The following STAT1 variants were observed in gnomAD, a reference collection of about 807,000 sequenced individuals.
STAT1 encodes signal transducer and activator of transcription 1-alpha/beta.
In STAT1, 24 loss-of-function variants were observed where a neutral mutation model predicts 111.7. That is an observed-to-expected ratio of 0.21 (90% CI 0.16 to 0.30). The LOEUF (loss-of-function observed/expected upper bound fraction) is 0.30. Ranked by LOEUF, STAT1 falls within the 10% of genes least tolerant of loss-of-function variation. STAT1 has a pLI of 1.00. For synonymous variants in STAT1, 332 were observed against 326.5 expected, an observed-to-expected ratio of 1.02 and a Z score of -0.18; for missense variants, 351 against 911.9, an observed-to-expected ratio of 0.38 and a Z score of 7.92.
rs1409157277 is a variant in STAT1 at position 191,000,176 on chromosome 2, C to T, written c.463-472G>A. Among the ~76,000 whole-genome samples the T allele has an allele frequency of 3.3e-5, 5 of 152,210 alleles. No individual in the cohort carries two copies. Among genetic ancestry groups the T allele is most frequent in the Admixed American group, 6.5e-5 (1 of 15,284 alleles). On this transcript the variant is annotated intron_variant, in intron 6 of 24. Coordinates refer to ENST00000361099, the MANE Select transcript of STAT1 (RefSeq NM_007315.4). The surrounding 1 kb of genome is among the most constrained non-coding windows in gnomAD (Gnocchi z 4.8). ...TATAAACAGTGCCCTCTTGGCGGCT[C>T]AAATGCATCTCCATCTGGACAATAA...
Position 190,987,996 on chromosome 2 carries a change from G to A in STAT1, c.1098-928C>T, listed in dbSNP as rs45590937. On this transcript the variant is annotated intron_variant, in intron 12 of 24. Transcript: ENST00000361099. The surrounding 1 kb of genome is among the most constrained non-coding windows in gnomAD (Gnocchi z 4.0). ...GCCCGAAGCAGCTGAGAGGAGCTGA[G>A]CTGACGCAGAAGATGGTAAACTGCA... Among the ~76,000 whole-genome samples, 544 of 152,372 alleles carry A rather than the reference G, an allele frequency of 3.6e-3. 6 individuals are homozygous for A. Among genetic ancestry groups the A allele is most frequent in the African/African-American group, 0.012 (517 of 41,590 alleles).
Position 190,976,253 on chromosome 2 carries a change from G to A in STAT1, c.2060-366C>T, listed in dbSNP as rs1691898404. On this transcript the variant is annotated intron_variant, in intron 22 of 24. Coordinates refer to ENST00000361099, the MANE Select transcript of STAT1 (RefSeq NM_007315.4). This position sits in a 1 kb window ranked among gnomAD's most constrained non-coding sequence, Gnocchi z 6.0. Reference sequence around the variant, plus strand: ...ATTCACAGCTGTCAAGGTAAGCTGGGGACATCTTCATTCCAAAGTAATTGT... The same window carrying A: ...ATTCACAGCTGTCAAGGTAAGCTGGAGACATCTTCATTCCAAAGTAATTGT... Among the ~76,000 whole-genome samples the A allele has an allele frequency of 6.6e-6, 1 of 152,144 alleles. No individual in the cohort carries two copies. Among genetic ancestry groups the A allele is most frequent in the South Asian group, 2.1e-4 (1 of 4,828 alleles).
intron 3 of STAT1, among the ~76,000 whole-genome samples, chr2:191,009,317 C>CT (rs1408345363): frequency 2.0e-5 from 3 of 152,136 alleles, no homozygotes; most frequent in Non-Finnish European, 4.4e-5. Context: ...ATTCTAAACT[C>CT]TAAGAGATTG....
intron 24 of STAT1, among the ~76,000 whole-genome samples, chr2:190,972,002 C>T (rs1403059545): frequency 2.0e-5 from 3 of 152,196 alleles, no homozygotes; most frequent in Middle Eastern, 6.8e-3. Flanking sequence ...CGTGAGCCAC[C>T]GCGCCCGGCC....
At chr2:190,991,168 A>C (rs1693302119) in intron 11 of STAT1, 60 bp downstream of exon 11, 3 of 1,541,514 alleles carry the variant, frequency 1.9e-6, no homozygotes. Flanking sequence ...TTATAAAAGG[A>C]AACTAGGGGT....
Position 190,986,845 on chromosome 2 carries a change from T to G in STAT1, c.1221+9A>C. On this transcript the variant is annotated intron_variant, in intron 14 of 24. Transcript: ENST00000361099. The surrounding 1 kb of genome is among the most constrained non-coding windows in gnomAD (Gnocchi z 5.0). ...AGAGACAACATAGAGAGGAAACTGATGTCCCTACCAGGTGCCGAAATTCAG... is the reference window on the plus strand; with the variant it reads ...AGAGACAACATAGAGAGGAAACTGAGGTCCCTACCAGGTGCCGAAATTCAG... 6.2e-7 allele frequency: 1 copy of G among 1,613,354 alleles called. No homozygotes were observed. Among genetic ancestry groups the G allele is most frequent in the Non-Finnish European group, 8.5e-7 (1 of 1,179,218 alleles).
At chr2:191,010,458 A>G (rs1695037474) in intron 2 of STAT1, 1 of 450,772 alleles carries the variant, frequency 2.2e-6, no homozygotes, top group Non-Finnish European at 4.5e-6. Flanking sequence ...CCCTAGAACA[A>G]TGTCAACCAC....
At position 190,975,100 on chromosome 2, in the gene STAT1, G is replaced by A. The variant is rs563882045; in HGVS notation, c.2136-168C>T. On this transcript the variant is annotated intron_variant, in intron 23 of 24. Transcript: ENST00000361099. This position sits in a 1 kb window ranked among gnomAD's most constrained non-coding sequence, Gnocchi z 5.9. Reference sequence around the variant, plus strand: ...ACATTTGCAAAAGTACAGCTCATGGGAGGCTCATGTCCCCAGCCCAGCCCC... The same window carrying A: ...ACATTTGCAAAAGTACAGCTCATGGAAGGCTCATGTCCCCAGCCCAGCCCC... 6.6e-6 allele frequency among the ~76,000 whole-genome samples: 1 copy of A among 152,210 alleles called. No individual in the cohort carries two copies. Among genetic ancestry groups the A allele is most frequent in the South Asian group, 2.1e-4 (1 of 4,826 alleles).
In STAT1 at chr2:191,004,396, C is replaced by A. The variant is rs1694520817; in HGVS notation, c.372+3167G>T. Among the ~76,000 whole-genome samples the A allele has an allele frequency of 6.6e-6, 1 of 152,114 alleles. No homozygotes were observed. The highest frequency in any genetic ancestry group is 2.4e-5 in the African/African-American group (1 of 41,434). ...AACTTGGTTACTCCAGACCCCAGAG[C>A]AAAGAAAAGTCTTCTGCTCAGGAAG... is the stretch of plus-strand genomic sequence containing the variant. On this transcript the variant is annotated intron_variant, in intron 5 of 24. Transcript: ENST00000361099. This position sits in a 1 kb window ranked among gnomAD's most constrained non-coding sequence, Gnocchi z 5.0.
At position 190,975,776 on chromosome 2, in the gene STAT1, G is replaced by T. The variant is rs748181005; in HGVS notation, c.2135+36C>A. On this transcript the variant is annotated intron_variant, in intron 23 of 24. Coordinates refer to ENST00000361099, the MANE Select transcript of STAT1 (RefSeq NM_007315.4). This position sits in a 1 kb window ranked among gnomAD's most constrained non-coding sequence, Gnocchi z 5.9. ...CCAGCCAGGAGCAAGGCTGGCTTGA[G>T]GTTTGTAAACATGTCACTCTTCTGT... 1 of 1,613,614 alleles carries T rather than the reference G, an allele frequency of 6.2e-7. No homozygotes were observed. Among genetic ancestry groups the T allele is most frequent in the Admixed American group, 1.7e-5 (1 of 59,980 alleles).
rs1401382043 is a variant in STAT1 at position 190,978,603 on chromosome 2, A to G, written c.1873+253T>C. ...CTCACATCCTTGATCTGCAGATAAC[A>G]AACCTGATGCAAAGGAAAGAATTGG... On this transcript the variant is annotated intron_variant, in intron 21 of 24. Transcript: ENST00000361099. This position sits in a 1 kb window ranked among gnomAD's most constrained non-coding sequence, Gnocchi z 6.1. 1 of 549,142 alleles carries G rather than the reference A, an allele frequency of 1.8e-6. No individual in the cohort carries two copies. The highest frequency in any genetic ancestry group is 2.8e-5 in the Admixed American group (1 of 35,234). 34.0% of individuals were successfully genotyped at this position (549,142 alleles called of 1,614,324 possible).
At chr2:190,991,356 T>C in intron 10 of STAT1, 36 bp from the exon 11 acceptor site, 1 of 1,602,392 alleles carries the variant, frequency 6.2e-7, no homozygotes, top group East Asian at 2.2e-5. Context: ...TAAGTTAGCA[T>C]TTCCATTAAG....
At position 190,973,788 on chromosome 2, in the gene STAT1, G is replaced by A. The variant is rs13395505; in HGVS notation, c.2238+1042C>T. On this transcript the variant is annotated intron_variant, in intron 24 of 24. Coordinates refer to ENST00000361099, the MANE Select transcript of STAT1 (RefSeq NM_007315.4). This position sits in a 1 kb window ranked among gnomAD's most constrained non-coding sequence, Gnocchi z 4.4. Reference sequence around the variant, plus strand: ...CGTCAACAACAATCAGGAAAGTGTAGGAAGGTACAATCTCTAATGATTGTA... The same window carrying A: ...CGTCAACAACAATCAGGAAAGTGTAAGAAGGTACAATCTCTAATGATTGTA... 0.41 allele frequency among the ~76,000 whole-genome samples: 62,461 copies of A among 151,966 alleles called. 13,128 individuals are homozygous for A. The highest frequency in any genetic ancestry group is 0.55 in the East Asian group (2,856 of 5,174).
rs1236767660 is a variant in STAT1, at chr2:191,000,354, T to C, written c.463-650A>G. ...TTCCCTAGGAGACCGCAAGATGAAG[T>C]TGCTCCAAAGAATGTGGAGTTTGGA... On this transcript the variant is annotated intron_variant, in intron 6 of 24. Transcript: ENST00000361099. This position sits in a 1 kb window ranked among gnomAD's most constrained non-coding sequence, Gnocchi z 4.8. 1.3e-5 allele frequency among the ~76,000 whole-genome samples: 2 copies of C among 152,196 alleles called. No individual in the cohort carries two copies. The highest frequency in any genetic ancestry group is 2.4e-5 in the African/African-American group (1 of 41,438).
chr2:190,979,965 A>G lies in STAT1; in HGVS notation c.1633-99T>C, dbSNP rs1307349630. ...ATTTGCAAAGACTCCCCAGGTGCCA[A>G]GGATGGAACTGTCCCATTCAGCACA... On this transcript the variant is annotated intron_variant, in intron 19 of 24. Coordinates refer to ENST00000361099, the MANE Select transcript of STAT1 (RefSeq NM_007315.4). The surrounding 1 kb of genome is among the most constrained non-coding windows in gnomAD (Gnocchi z 5.8). 3.8e-6 allele frequency: 3 copies of G among 797,976 alleles called. No homozygotes were observed. In the African/African-American group the frequency reaches 5.1e-5, roughly 14 times the overall value. 49.4% of individuals were successfully genotyped at this position (797,976 alleles called of 1,614,324 possible).
rs1694184053 is a variant in STAT1 at position 191,000,417 on chromosome 2, G to A, written c.462+657C>T. Among the ~76,000 whole-genome samples, 1 of 152,152 alleles carries A rather than the reference G, an allele frequency of 6.6e-6. No individual in the cohort carries two copies. On this transcript the variant is annotated intron_variant, in intron 6 of 24. Coordinates refer to ENST00000361099, the MANE Select transcript of STAT1 (RefSeq NM_007315.4). The surrounding 1 kb of genome is among the most constrained non-coding windows in gnomAD (Gnocchi z 4.8). ...GAAGCATGTAAGTCAAGGCCATACT[G>A]CTATTACCCAGAGATCCACAGAGGA...
chr2:191,009,300 A>G (rs1046820469), intron 3 of STAT1, among the ~76,000 whole-genome samples, 193 bp from the exon 4 acceptor site: 4 of 152,220 alleles, frequency 2.6e-5, no homozygotes, highest in Admixed American at 2.6e-4. Flanking sequence ...TGCAATTAGC[A>G]CAAAAAATTC....
Position 191,000,943 on chromosome 2 carries a change from T to C in STAT1, c.462+131A>G. On this transcript the variant is annotated intron_variant, in intron 6 of 24. Coordinates refer to ENST00000361099, the MANE Select transcript of STAT1 (RefSeq NM_007315.4). This position sits in a 1 kb window ranked among gnomAD's most constrained non-coding sequence, Gnocchi z 4.8. ...ATTTGTTTACTTATAGCTTGAGACT[T>C]CTGCAAAATTTTTCTTCCCAACTAC... 1 of 760,918 alleles carries C rather than the reference T, an allele frequency of 1.3e-6. No homozygotes were observed. 47.1% of individuals were successfully genotyped at this position (760,918 alleles called of 1,614,324 possible).
Position 190,975,496 on chromosome 2 carries a change from T to C in STAT1, c.2135+316A>G, listed in dbSNP as rs1691837401. 9.1e-7 allele frequency: 1 copy of C among 1,095,258 alleles called. No individual in the cohort carries two copies. The highest frequency in any genetic ancestry group is 1.6e-5 in the African/African-American group (1 of 62,470). 67.8% of individuals were successfully genotyped at this position (1,095,258 alleles called of 1,614,324 possible). A position where few individuals can be genotyped will look rare whatever the true frequency, so the allele number is the denominator to read the frequency against. ...GAGACAGTGTATCTCAATCATTACT[T>C]TGGCCTTTTCTAGATTGAAAAGAAC... On this transcript the variant is annotated intron_variant, in intron 23 of 24. Coordinates refer to ENST00000361099, the MANE Select transcript of STAT1 (RefSeq NM_007315.4). This position sits in a 1 kb window ranked among gnomAD's most constrained non-coding sequence, Gnocchi z 5.9.
Sources: allele counts gnomAD v4.1 joint callset (sites outside exome capture counted in the v4.1 genomes callset), GRCh38; gene constraint gnomAD v4.1.1; non-coding constraint Gnocchi (gnomAD v3.1); transcripts MANE v1.5; gene names NCBI Gene and HGNC (gene_info 2026-07-23, HGNC 2026-07-21).